The following ANO3 variants were observed in gnomAD, a reference collection of about 807,000 sequenced individuals.
ANO3 encodes anoctamin-3.
Under a neutral mutation model 144.8 loss-of-function variants are expected in ANO3, and 99 were observed. That is an observed-to-expected ratio of 0.68 (90% CI 0.58 to 0.81). The LOEUF (loss-of-function observed/expected upper bound fraction) is 0.81. Among genes scored for constraint, ANO3 ranks in the 30% least tolerant of loss-of-function variants. The pLI, the probability that ANO3 is intolerant of heterozygous loss-of-function variation, is 0.00. For missense variants in ANO3, 905 were observed against 1,202.2 expected (o/e 0.75, Z 3.66); for synonymous variants, 414 against 392.6 (o/e 1.05, Z -0.64).
intron 18 of ANO3, among the ~76,000 whole-genome samples, chr11:26,630,112 G>A (rs984858152): frequency 1.3e-5 from 2 of 151,938 alleles, no homozygotes; most frequent in African/African-American, 4.8e-5. Flanking sequence ...GTCTGTTCCA[G>A]TATGAAATAG....
chr11:26,309,243 C>G (rs1363200568), upstream of ANO3, among the ~76,000 whole-genome samples: 1 of 152,098 alleles, frequency 6.6e-6, no homozygotes, highest in East Asian at 1.9e-4. Flanking sequence ...CTCAATAATT[C>G]CGGTGATTTA....
At chr11:26,525,524 G>A in intron 6 of ANO3, 111 bp from the exon 7 acceptor site, 1 of 768,402 alleles carries the variant, frequency 1.3e-6, no homozygotes, top group South Asian at 1.7e-5. Flanking sequence ...AGTTTCTTAA[G>A]CATACGGAAC....
At chr11:26,452,378 T>C (rs1565033314) in intron 3 of ANO3, among the ~76,000 whole-genome samples, 1 of 152,102 alleles carries the variant, frequency 6.6e-6, no homozygotes. Context: ...TACAGAGAAG[T>C]GCTTAAAGGA....
Position 26,394,570 on chromosome 11 carries a change from CTTTTTTTT to C in ANO3, c.47-47336_47-47329del, listed in dbSNP as rs56118844. 3.3e-3 allele frequency among the ~76,000 whole-genome samples: 383 copies of C among 115,746 alleles called. 13 individuals are homozygous for C. The highest frequency in any genetic ancestry group is 6.8e-4 in the Non-Finnish European group (39 of 56,988). 75.9% of individuals were successfully genotyped at this position (115,746 alleles called of 152,430 possible). ...ACATTAAAAAAATTGATTTCATTTTCTTTTTTTTTTTTTTTTTTTGTTTGGAGATGGAG... is the reference window on the plus strand; with the variant it reads ...ACATTAAAAAAATTGATTTCATTTTCTTTTTTTTTTTGTTTGGAGATGGAG... On this transcript the variant is annotated intron_variant, in intron 1 of 26. Coordinates refer to ENST00000256737, the MANE Select transcript of ANO3 (RefSeq NM_031418.4).
intron 14 of ANO3, among the ~76,000 whole-genome samples, chr11:26,567,846 G>C (rs914917276): frequency 1.3e-5 from 2 of 151,972 alleles, no homozygotes; most frequent in African/African-American, 4.8e-5. Flanking sequence ...AGAGCTGTAT[G>C]CAACGACATG....
At chr11:26,396,262 T>G (rs1465720332) in intron 1 of ANO3, among the ~76,000 whole-genome samples, 5 of 151,736 alleles carry the variant, frequency 3.3e-5, no homozygotes, top group Non-Finnish European at 1.5e-5. Flanking sequence ...CCAGTTAGAG[T>G]GGTGATCATT....
At chr11:26,307,657 C>T (rs143803317), upstream of ANO3, among the ~76,000 whole-genome samples, 5,902 of 149,572 alleles carry the variant, frequency 0.039, 399 homozygotes, top group African/African-American at 0.14. Context: ...AGGTGGAGGT[C>T]GCAGTGAGCA....
Position 26,598,998 on chromosome 11 carries a change from G to A in ANO3, c.1671G>A (p.Met557Ile). 1 of 1,613,508 alleles carries A rather than the reference G, an allele frequency of 6.2e-7. No homozygotes were observed. The highest frequency in any genetic ancestry group is 8.5e-7 in the Non-Finnish European group (1 of 1,179,788). ...LLVSVSGIFF[M>I]ISLVITAVFG... is the part of the protein sequence containing the mutation. The stretch of plus-strand genomic sequence containing the variant: ...TTTCTGTCTCAGGAATATTCTTCAT[G>A]GTAAAGTATAGGCATCGATATCAAA... The change falls in exon 16 of 27, where the codon ATG (methionine) becomes ATA (isoleucine). Residue 557 changes from methionine (M) to isoleucine (I), a missense_variant and splice_region_variant. By Grantham distance (10) the Met-to-Ile change is conservative. Coordinates refer to ENST00000256737, the MANE Select transcript of ANO3 (RefSeq NM_031418.4).
chr11:26,385,893 G>GTGTGTATATATATA (rs1183332896), intron 1 of ANO3, among the ~76,000 whole-genome samples: 46 of 143,694 alleles, frequency 3.2e-4, no homozygotes, highest in Non-Finnish European at 5.2e-4. Context: ...CTTTGTGTGT[G>GTGTGTATATATATA]TATATATATT....
chr11:26,404,797 T>G (rs968655832), intron 1 of ANO3, among the ~76,000 whole-genome samples: 4 of 151,736 alleles, frequency 2.6e-5, no homozygotes, highest in African/African-American at 9.7e-5. Context: ...AAAGGCTTCA[T>G]AAAATATGAA....
At chr11:26,432,748 C>T (rs1858161100) in intron 1 of ANO3, among the ~76,000 whole-genome samples, 1 of 152,012 alleles carries the variant, frequency 6.6e-6, no homozygotes, top group Non-Finnish European at 1.5e-5. Context: ...CTATGCTGCT[C>T]CTTTGGTCTG....
chr11:26,654,471 C>A (rs1853624163), intron 24 of ANO3, among the ~76,000 whole-genome samples: 1 of 151,626 alleles, frequency 6.6e-6, no homozygotes, highest in South Asian at 2.1e-4. Flanking sequence ...TATCTAGTGA[C>A]CTTGATAAAT....
intron 1 of ANO3, among the ~76,000 whole-genome samples, chr11:26,298,146 A>T (rs1564954515): frequency 1.3e-5 from 2 of 152,220 alleles, no homozygotes; most frequent in African/African-American, 2.4e-5. Flanking sequence ...TCAATTGTGA[A>T]TTGATGTAAG....
At chr11:26,622,809 A>C (rs898577832) in intron 17 of ANO3, among the ~76,000 whole-genome samples, 2 of 152,222 alleles carry the variant, frequency 1.3e-5, no homozygotes. Flanking sequence ...ATTGTTGTTA[A>C]GGAATAATAA....
At chr11:26,394,606 T>C (rs1196714555) in intron 1 of ANO3, among the ~76,000 whole-genome samples, 1 of 149,390 alleles carries the variant, frequency 6.7e-6, no homozygotes, top group African/African-American at 2.5e-5. Flanking sequence ...AGATGGAGTT[T>C]CACTCTTTTT....
intron 17 of ANO3, among the ~76,000 whole-genome samples, chr11:26,620,263 A>C (rs747404273): frequency 6.6e-6 from 1 of 152,134 alleles, no homozygotes. Context: ...TGACAATCCA[A>C]CTTTAACTAA....
intron 4 of ANO3, among the ~76,000 whole-genome samples, chr11:26,488,568 G>A (rs568006542): frequency 6.6e-6 from 1 of 152,270 alleles, no homozygotes; most frequent in South Asian, 2.1e-4. Flanking sequence ...TGGGTTCTTG[G>A]TCTTGCTGAC....
chr11:26,194,485 T>TA (rs1280332280), intron 1 of ANO3, among the ~76,000 whole-genome samples: 1 of 149,254 alleles, frequency 6.7e-6, no homozygotes, highest in East Asian at 1.9e-4. Flanking sequence ...TGTGTGTGTG[T>TA]GTATTATTTA....
intron 23 of ANO3, among the ~76,000 whole-genome samples, chr11:26,645,767 G>A (rs1565163645): frequency 6.6e-6 from 1 of 152,058 alleles, no homozygotes; most frequent in Non-Finnish European, 1.5e-5. Flanking sequence ...TTAATACTTA[G>A]ATAATGGGTT....
Sources: allele counts gnomAD v4.1 joint callset (sites outside exome capture counted in the v4.1 genomes callset), GRCh38; gene constraint gnomAD v4.1.1; transcripts MANE v1.5; gene names NCBI Gene and HGNC (gene_info 2026-07-23, HGNC 2026-07-21).